The following NALCN variants were observed in gnomAD, a reference collection of about 807,000 sequenced individuals.
NALCN encodes the protein sodium leak channel NALCN.
A neutral mutation model predicts 225.3 loss-of-function variants in NALCN; 111 were observed. The observed-to-expected ratio is 0.49, with a 90% CI of 0.42 to 0.58. The LOEUF is 0.58. Ranked by LOEUF, NALCN falls within the 20% of genes least tolerant of loss-of-function variation. The pLI, the probability that NALCN is intolerant of heterozygous loss-of-function variation, is 0.00. For missense variants in NALCN, 1,378 were observed against 2,202.4 expected (o/e 0.63, Z 7.49); for synonymous variants, 764 against 769.0 (o/e 0.99, Z 0.11).
intron 18 of NALCN, among the ~76,000 whole-genome samples, chr13:101,117,486 A>G (rs1022076841): frequency 4.6e-5 from 7 of 152,220 alleles, no homozygotes; most frequent in African/African-American, 1.4e-4. Context: ...TTTTCAACAG[A>G]TATGTATTCC....
chr13:101,158,740 C>A (rs115476149), intron 15 of NALCN, among the ~76,000 whole-genome samples: 84 of 152,330 alleles, frequency 5.5e-4, no homozygotes, highest in African/African-American at 2.0e-3. Flanking sequence ...GAGCCAGTCT[C>A]TTTCTGTTTG....
intron 15 of NALCN, among the ~76,000 whole-genome samples, chr13:101,147,354 C>CTTTT (rs34988610): frequency 2.4e-5 from 3 of 125,090 alleles, no homozygotes; most frequent in Non-Finnish European, 3.3e-5. Flanking sequence ...CTCTCTCTCT[C>CTTTT]TTTTTTTTTT....
At chr13:101,377,462 G>A (rs1054838779) in intron 4 of NALCN, among the ~76,000 whole-genome samples, 2 of 151,954 alleles carry the variant, frequency 1.3e-5, no homozygotes, top group Non-Finnish European at 2.9e-5. Flanking sequence ...TTTACTAACA[G>A]GCAAAATAAT....
At chr13:101,168,780 G>T (rs1029725988) in intron 15 of NALCN, among the ~76,000 whole-genome samples, 1 of 152,142 alleles carries the variant, frequency 6.6e-6, no homozygotes, top group African/African-American at 2.4e-5. Flanking sequence ...AGCATTTCCT[G>T]TGCTGGTATC....
At chr13:101,133,569 C>T (rs79941276) in intron 17 of NALCN, among the ~76,000 whole-genome samples, 2 of 152,032 alleles carry the variant, frequency 1.3e-5, no homozygotes, top group South Asian at 2.1e-4. Context: ...TTGCATGGGT[C>T]GAAGGTGGTA....
chr13:101,194,120 G>C (rs1484558049), intron 13 of NALCN, among the ~76,000 whole-genome samples: 1 of 152,158 alleles, frequency 6.6e-6, no homozygotes, highest in African/African-American at 2.4e-5. Flanking sequence ...CTCATCTGTT[G>C]CATTACATTT....
At chr13:101,217,542 G>A (rs560486062) in intron 13 of NALCN, among the ~76,000 whole-genome samples, 1 of 152,124 alleles carries the variant, frequency 6.6e-6, no homozygotes, top group South Asian at 2.1e-4. Context: ...TCCATCTCTT[G>A]GGCTTATATA....
chr13:101,259,333 T>G (rs1192651914), intron 10 of NALCN, among the ~76,000 whole-genome samples: 1 of 151,356 alleles, frequency 6.6e-6, no homozygotes, highest in African/African-American at 2.4e-5. Flanking sequence ...GTATTATTTA[T>G]TATTATTATT....
chr13:101,223,555 T>A (rs1264791525), intron 13 of NALCN, among the ~76,000 whole-genome samples: 2 of 152,142 alleles, frequency 1.3e-5, no homozygotes, highest in Non-Finnish European at 2.9e-5. Context: ...CTCAGATTAC[T>A]CAAACACTTT....
intron 3 of NALCN, among the ~76,000 whole-genome samples, chr13:101,379,168 T>C (rs975080340): frequency 6.6e-6 from 1 of 152,212 alleles, no homozygotes; most frequent in Non-Finnish European, 1.5e-5. Flanking sequence ...CACAATGAGA[T>C]ACCATCTCAC....
chr13:101,398,918 G>T, intron 2 of NALCN, 101 bp downstream of exon 2: 1 of 709,748 alleles, frequency 1.4e-6, no homozygotes, highest in Non-Finnish European at 2.5e-6. Flanking sequence ...TTCTACTGCA[G>T]CTCAGATATT....
intron 13 of NALCN, among the ~76,000 whole-genome samples, chr13:101,213,285 C>T (rs1016370907): frequency 2.0e-5 from 3 of 152,072 alleles, no homozygotes; most frequent in Non-Finnish European, 2.9e-5. Context: ...ACACCTTATA[C>T]AAAAATTAAT....
At chr13:101,328,948 C>T (rs547131585) in intron 7 of NALCN, among the ~76,000 whole-genome samples, 2 of 152,256 alleles carry the variant, frequency 1.3e-5, no homozygotes, top group Admixed American at 1.3e-4. Flanking sequence ...CATCACTGAG[C>T]CCTGTCTCTG....
At chr13:101,080,082 A>G (rs1427274089) in intron 34 of NALCN, among the ~76,000 whole-genome samples, 1 of 152,168 alleles carries the variant, frequency 6.6e-6, no homozygotes, top group Admixed American at 6.5e-5. Context: ...AGCCTCAAAT[A>G]TATTATCTCA....
chr13:101,348,192 T>C (rs1319850805), intron 6 of NALCN, among the ~76,000 whole-genome samples: 1 of 152,188 alleles, frequency 6.6e-6, no homozygotes, highest in Non-Finnish European at 1.5e-5. Context: ...ATTTCAGATA[T>C]TTGGAGAAGA....
At chr13:101,130,132 T>C (rs942941411) in intron 17 of NALCN, among the ~76,000 whole-genome samples, 1 of 152,188 alleles carries the variant, frequency 6.6e-6, no homozygotes, top group Admixed American at 6.5e-5. Context: ...CCTAAGCTTT[T>C]CTATATGATA....
chr13:101,080,288 T>C (rs1488068340), intron 34 of NALCN, among the ~76,000 whole-genome samples: 14 of 152,044 alleles, frequency 9.2e-5, no homozygotes, highest in African/African-American at 2.4e-5. Context: ...CCACATGTGG[T>C]TACTGAGCAC....
intron 7 of NALCN, among the ~76,000 whole-genome samples, chr13:101,329,917 T>C (rs891825840): frequency 1.3e-5 from 2 of 151,838 alleles, no homozygotes; most frequent in Admixed American, 1.3e-4. Context: ...CTCACGCCTG[T>C]AGTCCCAGCT....
intron 13 of NALCN, among the ~76,000 whole-genome samples, chr13:101,200,655 A>G (rs7333123): frequency 0.22 from 33,133 of 152,032 alleles, 3,790 homozygotes; most frequent in East Asian, 0.37. Context: ...CTGAGGACCC[A>G]TGCCATAGGG....
Sources: gnomAD v4.1 joint callset for allele counts (sites outside exome capture counted in the v4.1 genomes callset) on GRCh38, gnomAD v4.1.1 for gene constraint, MANE v1.5 for transcripts, NCBI Gene and HGNC (gene_info 2026-07-23, HGNC 2026-07-21) for gene names.